AGMO: variants seen among roughly 807,000 people sequenced by gnomAD.
AGMO encodes glyceryl-ether monooxygenase.
In AGMO, 75 loss-of-function variants were observed where a neutral mutation model predicts 60.2. The ratio of observed to expected loss-of-function variants is 1.25; its 90% CI spans 1.03 to 1.51. The LOEUF (loss-of-function observed/expected upper bound fraction) is 1.51. Among genes scored for constraint, AGMO ranks in the 40% most tolerant of loss-of-function variants. The probability of loss-of-function intolerance (pLI) is 0.00; values close to 1 mark genes in which losing one functional copy is unlikely to be tolerated. For missense variants in AGMO, 763 were observed against 525.5 expected (o/e 1.45, Z -4.42); for synonymous variants, 261 against 177.1 (o/e 1.47, Z -3.76).
At chr7:15,398,168 C>G (rs1417352683) in intron 5 of AGMO, among the ~76,000 whole-genome samples, 3 of 152,108 alleles carry the variant, frequency 2.0e-5, no homozygotes, top group African/African-American at 7.2e-5. Flanking sequence ...GCTTCTGCTC[C>G]CCAGATGAAT....
intron 12 of AGMO, among the ~76,000 whole-genome samples, chr7:15,232,814 C>CAA (rs1782297913): frequency 2.0e-5 from 3 of 151,574 alleles, no homozygotes; most frequent in African/African-American, 7.3e-5. Flanking sequence ...CACACACACA[C>CAA]ACACACACAC....
intron 12 of AGMO, among the ~76,000 whole-genome samples, chr7:15,330,351 G>C (rs1223038673): frequency 6.6e-6 from 1 of 152,152 alleles, no homozygotes; most frequent in African/African-American, 2.4e-5. Flanking sequence ...CTTGGTTTCA[G>C]AAATGGGCTT....
intron 12 of AGMO, among the ~76,000 whole-genome samples, chr7:15,237,484 G>A (rs551554448): frequency 1.3e-5 from 2 of 151,728 alleles, no homozygotes; most frequent in Non-Finnish European, 2.9e-5. Context: ...GACCTAGAGA[G>A]TGTTTTTTTT....
At chr7:15,288,763 T>C (rs1293600444) in intron 12 of AGMO, among the ~76,000 whole-genome samples, 2 of 137,906 alleles carry the variant, frequency 1.5e-5, no homozygotes, top group East Asian at 2.1e-4. Flanking sequence ...TAAATCATCC[T>C]GAAAAAAAAA....
At chr7:15,257,477 A>C (rs1563057525) in intron 12 of AGMO, among the ~76,000 whole-genome samples, 1 of 152,218 alleles carries the variant, frequency 6.6e-6, no homozygotes, top group Non-Finnish European at 1.5e-5. Flanking sequence ...CATAGTAAAG[A>C]AGCAAATTTA....
At chr7:15,535,385 A>C (rs971043160) in intron 3 of AGMO, among the ~76,000 whole-genome samples, 2 of 151,974 alleles carry the variant, frequency 1.3e-5, no homozygotes, top group Admixed American at 6.6e-5. Context: ...CAAGAAGTAC[A>C]TTACAAAATG....
chr7:15,344,279 C>T (rs965390917), intron 12 of AGMO, among the ~76,000 whole-genome samples: 4 of 152,114 alleles, frequency 2.6e-5, no homozygotes, highest in Non-Finnish European at 5.9e-5. Context: ...AATGTTTAGT[C>T]TTTTCTCCAA....
chr7:15,122,947 C>T, the AGMO span, among the ~76,000 whole-genome samples: 2 of 152,104 alleles, frequency 1.3e-5, no homozygotes, highest in Non-Finnish European at 2.9e-5. Context: ...ACAAAGTCCT[C>T]ATGGTTGCCC....
intron 12 of AGMO, among the ~76,000 whole-genome samples, chr7:15,206,174 T>C (rs1232003872): frequency 6.6e-6 from 1 of 152,102 alleles, no homozygotes; most frequent in Non-Finnish European, 1.5e-5. Flanking sequence ...ACAATGGAAC[T>C]AGAATATAAA....
intron 12 of AGMO, among the ~76,000 whole-genome samples, chr7:15,331,877 G>A (rs1365912437): frequency 6.6e-6 from 1 of 151,508 alleles, no homozygotes; most frequent in African/African-American, 2.4e-5. Flanking sequence ...AGTGAGCCAA[G>A]ATCACACCAT....
At chr7:15,415,280 C>T (rs1275492240) in intron 5 of AGMO, among the ~76,000 whole-genome samples, 1 of 151,920 alleles carries the variant, frequency 6.6e-6, no homozygotes, top group Admixed American at 6.6e-5. Context: ...TGAACAGGCT[C>T]ACTCCTGTAA....
At chr7:15,122,862 G>A in the AGMO span, among the ~76,000 whole-genome samples, 1 of 151,968 alleles carries the variant, frequency 6.6e-6, no homozygotes, top group Non-Finnish European at 1.5e-5. Context: ...TAACAGAGTG[G>A]CCAGAGTGAA....
chr7:15,210,953 C>T (rs924233956), intron 12 of AGMO, among the ~76,000 whole-genome samples: 1 of 151,634 alleles, frequency 6.6e-6, no homozygotes, highest in Non-Finnish European at 1.5e-5. Context: ...AGCTATTTTA[C>T]AGAAAATAAC....
intron 3 of AGMO, among the ~76,000 whole-genome samples, chr7:15,477,491 C>A (rs992815539): frequency 6.6e-6 from 1 of 152,026 alleles, no homozygotes; most frequent in African/African-American, 2.4e-5. Flanking sequence ...CAAGGAAATG[C>A]GAACAGATTG....
intron 12 of AGMO, among the ~76,000 whole-genome samples, chr7:15,363,319 C>CT (rs1418165259): frequency 2.0e-5 from 3 of 152,106 alleles, no homozygotes; most frequent in Non-Finnish European, 2.9e-5. Context: ...TCAAATGATC[C>CT]TTAAGTTCAT....
chr7:15,152,579 G>A, the AGMO span, among the ~76,000 whole-genome samples: 23 of 152,170 alleles, frequency 1.5e-4, no homozygotes, highest in Middle Eastern at 3.4e-3. Context: ...CCAATTATGA[G>A]TGAGAATATA....
At chr7:15,478,016 G>A (rs1174547958) in intron 3 of AGMO, among the ~76,000 whole-genome samples, 1 of 152,084 alleles carries the variant, frequency 6.6e-6, no homozygotes, top group Non-Finnish European at 1.5e-5. Context: ...CCTTTCTCCT[G>A]TGTATATTGA....
chr7:15,384,528 G>A (rs1044689684), intron 10 of AGMO, among the ~76,000 whole-genome samples: 1 of 151,962 alleles, frequency 6.6e-6, no homozygotes, highest in African/African-American at 2.4e-5. Flanking sequence ...CTTAAAGATA[G>A]GCGTATCTTA....
chr7:15,554,138 A>T (rs34280754), intron 2 of AGMO, among the ~76,000 whole-genome samples: 45 of 152,036 alleles, frequency 3.0e-4, no homozygotes, highest in Non-Finnish European at 5.7e-4. Context: ...TAGCACCTAC[A>T]TTTTCAAAAA....
Sources: gnomAD v4.1 joint callset for allele counts (sites outside exome capture counted in the v4.1 genomes callset) on GRCh38, gnomAD v4.1.1 for gene constraint, MANE v1.5 for transcripts, NCBI Gene and HGNC (gene_info 2026-07-23, HGNC 2026-07-21) for gene names.